Variants in PNLIPRP3 observed in about 807,000 individuals in gnomAD.
The protein encoded by PNLIPRP3 is pancreatic lipase-related protein 3.
A neutral mutation model predicts 52.8 loss-of-function variants in PNLIPRP3; 58 were observed. The observed-to-expected ratio is 1.10, with a 90% CI of 0.89 to 1.37. PNLIPRP3 has a LOEUF of 1.37. Among genes scored for constraint, PNLIPRP3 ranks in the 40% most tolerant of loss-of-function variants. The pLI, the probability that PNLIPRP3 is intolerant of heterozygous loss-of-function variation, is 0.00. For missense variants in PNLIPRP3, 593 were observed against 561.6 expected, an observed-to-expected ratio of 1.06 and a Z score of -0.57; for synonymous variants, 192 against 185.0, an observed-to-expected ratio of 1.04 and a Z score of -0.31.
intron 3 of PNLIPRP3, among the ~76,000 whole-genome samples, chr10:116,443,836 T>TATATATATATAC (rs1845901480): frequency 8.6e-6 from 1 of 116,506 alleles, no homozygotes. Context: ...TATATATATA[T>TATATATATATAC]ATATATATGG....
intron 1 of PNLIPRP3, among the ~76,000 whole-genome samples, chr10:116,435,743 C>G (rs1477004193): frequency 6.6e-6 from 1 of 152,158 alleles, no homozygotes; most frequent in Non-Finnish European, 1.5e-5. Flanking sequence ...AAATGTCTGT[C>G]CAGGTCTTTG....
intron 8 of PNLIPRP3, among the ~76,000 whole-genome samples, chr10:116,468,507 A>C (rs975699755): frequency 3.9e-5 from 6 of 152,120 alleles, no homozygotes; most frequent in Non-Finnish European, 5.9e-5. Context: ...AATCAACATA[A>C]ATATCTCTAC....
intron 4 of PNLIPRP3, among the ~76,000 whole-genome samples, chr10:116,454,815 C>T (rs940667405): frequency 2.0e-5 from 3 of 152,160 alleles, no homozygotes; most frequent in African/African-American, 4.8e-5. Context: ...TTCCATATTT[C>T]GGCTATTGAG....
intron 7 of PNLIPRP3, among the ~76,000 whole-genome samples, chr10:116,463,587 G>C (rs767572538): frequency 2.6e-5 from 4 of 152,150 alleles, no homozygotes; most frequent in Non-Finnish European, 5.9e-5. Flanking sequence ...GGCAAAGCAA[G>C]TTACAAGATC....
Position 116,436,863 on chromosome 10 carries a change from C to A in PNLIPRP3, c.202C>A (p.Gln68Lys). ...CACTATACACAATCCCAATGCCTATCAGGTAAGCTAACTTGCAGCCTTCAC... is the reference window on the plus strand; with the variant it reads ...CACTATACACAATCCCAATGCCTATAAGGTAAGCTAACTTGCAGCCTTCAC... ...LYTIHNPNAY[Q>K]EISAVNSSTI... is the part of the protein sequence containing the mutation. The change falls in exon 2 of 12, where the codon CAG becomes AAG. Residue 68 changes from glutamine (Q) to lysine (K), a missense_variant and splice_region_variant. By Grantham distance (53) the Gln-to-Lys change is moderately conservative. Transcript: ENST00000369230. The A allele has an allele frequency of 1.9e-6, 3 of 1,582,300 alleles. No individual in the cohort carries two copies. Among genetic ancestry groups the A allele is most frequent in the Non-Finnish European group, 2.6e-6 (3 of 1,161,580 alleles).
At chr10:116,473,782 A>G (rs182749138) in intron 10 of PNLIPRP3, among the ~76,000 whole-genome samples, 1 of 152,140 alleles carries the variant, frequency 6.6e-6, no homozygotes, top group African/African-American at 2.4e-5. Flanking sequence ...CGGCCTCCCA[A>G]AATACTGGTA....
At chr10:116,428,456 G>T (rs1411776452) in intron 1 of PNLIPRP3, among the ~76,000 whole-genome samples, 1 of 152,038 alleles carries the variant, frequency 6.6e-6, no homozygotes, top group East Asian at 1.9e-4. Flanking sequence ...TAATAAATGA[G>T]AAAATATATA....
At chr10:116,428,405 A>G (rs2133105039) in intron 1 of PNLIPRP3, among the ~76,000 whole-genome samples, 1 of 152,280 alleles carries the variant, frequency 6.6e-6, no homozygotes, top group East Asian at 1.9e-4. Flanking sequence ...GGGCTTAGAC[A>G]TTGAAGTCTC....
rs768491492 is a variant in PNLIPRP3 at position 116,476,663 on chromosome 10, A to G, written c.1184A>G (p.Glu395Gly). ...GEFAIVSGKL[E>G]PGMTYTKLID... ...ATTTTTGTTTACAGTGGAAAACTTGAGCCAGGCATGACTTACACAAAATTA... is the reference window on the plus strand; with the variant it reads ...ATTTTTGTTTACAGTGGAAAACTTGGGCCAGGCATGACTTACACAAAATTA... Residue 395 changes from glutamate (E) to glycine (G), a missense_variant, in exon 11 of 12, where the codon GAG (glutamate) becomes GGG (glycine). Coordinates refer to ENST00000369230, the MANE Select transcript of PNLIPRP3 (RefSeq NM_001011709.3). 1 of 1,570,960 alleles carries G rather than the reference A, an allele frequency of 6.4e-7. No homozygotes were observed. Among genetic ancestry groups the G allele is most frequent in the South Asian group, 1.2e-5 (1 of 83,392 alleles).
Position 116,477,100 on chromosome 10 carries a change from T to C in PNLIPRP3, c.1351T>C (p.Cys451Arg), listed in dbSNP as rs1367936504. ...CTTAAAAACTTTCAGATCTACCTTC[T>C]GTAGCCAAGACATTATGGGACCTAA... The part of the protein sequence containing the change: ...SGKYGYKSTF[C>R]SQDIMGPNIL... Residue 451 changes from cysteine (C) to arginine (R), a missense_variant, in exon 12 of 12, where the codon TGT (cysteine) becomes CGT (arginine). Coordinates refer to ENST00000369230, the MANE Select transcript of PNLIPRP3 (RefSeq NM_001011709.3). 1 of 1,593,856 alleles carries C rather than the reference T, an allele frequency of 6.3e-7. No individual in the cohort carries two copies. Among genetic ancestry groups the C allele is most frequent in the Non-Finnish European group, 8.6e-7 (1 of 1,166,592 alleles).
chr10:116,437,427 A>C (rs1845790616), intron 2 of PNLIPRP3, among the ~76,000 whole-genome samples: 1 of 152,156 alleles, frequency 6.6e-6, no homozygotes, highest in Non-Finnish European at 1.5e-5. Context: ...AGAGATAAGC[A>C]GGGTAATGGC....
At chr10:116,472,526 A>G (rs1343001019) in intron 10 of PNLIPRP3, among the ~76,000 whole-genome samples, 3 of 152,244 alleles carry the variant, frequency 2.0e-5, no homozygotes, top group Non-Finnish European at 4.4e-5. Flanking sequence ...AGATGAATGT[A>G]TTAGGTGTTT....
Position 116,474,882 on chromosome 10 carries a change from C to T in PNLIPRP3, c.1173-1770C>T, listed in dbSNP as rs149868092. 1.2e-4 allele frequency among the ~76,000 whole-genome samples: 18 copies of T among 152,008 alleles called. No homozygotes were observed. The East Asian group carries it at 3.5e-3, about 29-fold the overall frequency. Reference sequence around the variant, plus strand: ...AATTTGTTCAACCATTGTGGAAGGCCTCAAAGACCTAAAGACAGAAATATC... The same window carrying T: ...AATTTGTTCAACCATTGTGGAAGGCTTCAAAGACCTAAAGACAGAAATATC... On this transcript the variant is annotated intron_variant, in intron 10 of 11. Transcript: ENST00000369230.
At chr10:116,443,744 AATGTGTGTGTGTGTGTGTGT>A (rs1179207538) in intron 3 of PNLIPRP3, among the ~76,000 whole-genome samples, 3 of 122,926 alleles carry the variant, frequency 2.4e-5, no homozygotes, top group African/African-American at 1.0e-4. Flanking sequence ...GCTAATTACT[AATGTGTGTGTGTGTGTGTGT>A]ATGTGTGTGT....
At chr10:116,433,526 G>T (rs939738632) in intron 1 of PNLIPRP3, among the ~76,000 whole-genome samples, 3 of 152,190 alleles carry the variant, frequency 2.0e-5, no homozygotes, top group Non-Finnish European at 2.9e-5. Flanking sequence ...ATGTAAGGTT[G>T]TCATACTGGT....
In PNLIPRP3 at chr10:116,427,873, A is replaced by C; in HGVS notation, c.-140A>C. On this transcript the variant is annotated 5_prime_UTR_variant, in exon 1 of 12. Transcript: ENST00000369230. ...TTTACTTTGCAGAGCATAAGGTGGA[A>C]TAACATGTTCTTTTAAACGTAGAGT... The C allele has an allele frequency of 4.4e-6, 3 of 683,274 alleles. No homozygotes were observed. The highest frequency in any genetic ancestry group is 7.9e-6 in the Non-Finnish European group (3 of 378,900). 42.3% of individuals were successfully genotyped at this position (683,274 alleles called of 1,614,324 possible).
At chr10:116,436,914 T>C (rs1289486797) in intron 2 of PNLIPRP3, 49 bp downstream of exon 2, 2 of 1,498,550 alleles carry the variant, frequency 1.3e-6, no homozygotes, top group African/African-American at 1.4e-5. Flanking sequence ...AAATATAAGA[T>C]TTGCCTATAG....
chr10:116,455,673 A>G lies in PNLIPRP3; in HGVS notation c.457-49A>G, dbSNP rs764107570. ...TCTATTTTTAAAGCATATTTAAGCT[A>G]TTCCACCGCTGTTTTTAAAATACTT... On this transcript the variant is annotated intron_variant, in intron 4 of 11. Coordinates refer to ENST00000369230, the MANE Select transcript of PNLIPRP3 (RefSeq NM_001011709.3). 15 of 1,352,162 alleles carry G rather than the reference A, an allele frequency of 1.1e-5. No individual in the cohort carries two copies. In the Middle Eastern group the frequency reaches 7.4e-4, roughly 66 times the overall value. 83.8% of individuals were successfully genotyped at this position (1,352,162 alleles called of 1,614,324 possible). A position where few individuals can be genotyped will look rare whatever the true frequency, so the allele number is the denominator to read the frequency against.
At position 116,477,489 on chromosome 10, in the gene PNLIPRP3, C is replaced by T. The variant is rs1219206293; in HGVS notation, c.*336C>T. 5.7e-6 allele frequency: 1 copy of T among 175,614 alleles called. No individual in the cohort carries two copies. Among genetic ancestry groups the T allele is most frequent in the Non-Finnish European group, 1.2e-5 (1 of 84,420 alleles). The allele number at this position is 175,614 out of a possible 1,614,324, so 10.9% of individuals were successfully genotyped here. On this transcript the variant is annotated 3_prime_UTR_variant, in exon 12 of 12. Transcript: ENST00000369230. ...TATAAACTCACTGGACAAAAGTAAG[C>T]CTCTGGCTTGCTGAGTTTTTGAAGT...
Sources: allele counts gnomAD v4.1 joint callset (sites outside exome capture counted in the v4.1 genomes callset), GRCh38; gene constraint gnomAD v4.1.1; transcripts MANE v1.5; gene names NCBI Gene and HGNC (gene_info 2026-07-23, HGNC 2026-07-21).